The following ATP8A2 variants were observed in gnomAD, a reference collection of about 807,000 sequenced individuals.
The protein encoded by ATP8A2 is phospholipid-transporting ATPase IB.
Under a neutral mutation model 165.6 loss-of-function variants are expected in ATP8A2, and 100 were observed. That is an observed-to-expected ratio of 0.60 (90% CI 0.51 to 0.71). The LOEUF is 0.71. Among genes scored for constraint, ATP8A2 ranks in the 30% least tolerant of loss-of-function variants. ATP8A2 has a pLI of 0.00. For missense variants in ATP8A2, 1,227 were observed against 1,479.5 expected (o/e 0.83, Z 2.80); for synonymous variants, 543 against 548.8 (o/e 0.99, Z 0.15).
At chr13:25,819,841 A>T (rs1490344467) in intron 27 of ATP8A2, among the ~76,000 whole-genome samples, 2 of 152,222 alleles carry the variant, frequency 1.3e-5, no homozygotes, top group Non-Finnish European at 2.9e-5. Context: ...TTCAAAAAAA[A>T]CCTGAAGCAT....
At chr13:25,429,042 A>C (rs1020614391) in intron 1 of ATP8A2, among the ~76,000 whole-genome samples, 9 of 151,698 alleles carry the variant, frequency 5.9e-5, no homozygotes, top group Non-Finnish European at 1.5e-5. Context: ...ATCTGCTGCC[A>C]TACCAGGGGA....
intron 6 of ATP8A2, among the ~76,000 whole-genome samples, chr13:25,535,172 C>T (rs1206509435): frequency 6.6e-6 from 1 of 152,098 alleles, no homozygotes; most frequent in Non-Finnish European, 1.5e-5. Flanking sequence ...GTGAGTAGTT[C>T]AATGTGAGGA....
intron 33 of ATP8A2, among the ~76,000 whole-genome samples, chr13:25,943,051 TG>T (rs1266942170): frequency 6.6e-6 from 1 of 152,136 alleles, no homozygotes; most frequent in East Asian, 1.9e-4. Context: ...GGGTCTGAGC[TG>T]GAGCCCTTGT....
intron 1 of ATP8A2, among the ~76,000 whole-genome samples, chr13:25,441,615 C>T (rs1326518798): frequency 6.6e-6 from 1 of 152,138 alleles, no homozygotes; most frequent in East Asian, 1.9e-4. Flanking sequence ...TTTAGATATA[C>T]TTTTTATAAA....
intron 2 of ATP8A2, among the ~76,000 whole-genome samples, chr13:25,513,658 C>A (rs556934145): frequency 3.0e-4 from 46 of 152,184 alleles, no homozygotes; most frequent in African/African-American, 1.1e-3. Context: ...GCACTCCAGC[C>A]TGGGCACCAT....
chr13:25,472,727 G>A (rs1328847750), intron 2 of ATP8A2, among the ~76,000 whole-genome samples: 1 of 152,114 alleles, frequency 6.6e-6, no homozygotes, highest in East Asian at 1.9e-4. Context: ...GAAAAGAAGG[G>A]ACCACATGGG....
chr13:25,398,225 G>A (rs941797805), intron 1 of ATP8A2, among the ~76,000 whole-genome samples: 1 of 152,150 alleles, frequency 6.6e-6, no homozygotes, highest in Non-Finnish European at 1.5e-5. Flanking sequence ...ATTACCTTTA[G>A]AGCCTGTTAT....
chr13:25,633,481 C>CT (rs1037121473), intron 24 of ATP8A2, among the ~76,000 whole-genome samples: 1 of 152,170 alleles, frequency 6.6e-6, no homozygotes, highest in Non-Finnish European at 1.5e-5. Flanking sequence ...GAGATCACCT[C>CT]TTTGTCTTTT....
chr13:25,566,977 C>CCATA (rs2039331684), intron 16 of ATP8A2, among the ~76,000 whole-genome samples: 2 of 152,116 alleles, frequency 1.3e-5, no homozygotes, highest in African/African-American at 4.8e-5. Flanking sequence ...GTCATGGCTA[C>CCATA]CATAACTGTT....
intron 2 of ATP8A2, among the ~76,000 whole-genome samples, chr13:25,471,750 C>T (rs951508547): frequency 3.3e-5 from 5 of 152,142 alleles, no homozygotes; most frequent in African/African-American, 9.7e-5. Context: ...AGAGGGATTC[C>T]GAGTAGCTGT....
At chr13:25,863,922 G>A (rs1056972665) in intron 33 of ATP8A2, among the ~76,000 whole-genome samples, 13 of 152,180 alleles carry the variant, frequency 8.5e-5, no homozygotes, top group East Asian at 7.7e-4. Flanking sequence ...ATTAGAGGGC[G>A]TTCAGTGAAC....
Position 25,579,029 on chromosome 13 carries a change from T to C in ATP8A2, c.1867+130T>C. 3 of 689,026 alleles carry C rather than the reference T, an allele frequency of 4.4e-6. No homozygotes were observed. The South Asian group carries it at 4.9e-5, about 11-fold the overall frequency. The allele number at this position is 689,026 out of a possible 1,614,324, so 42.7% of individuals were successfully genotyped here. A position where few individuals can be genotyped will look rare whatever the true frequency, so the allele number is the denominator to read the frequency against. On this transcript the variant is annotated intron_variant, in intron 21 of 36. Coordinates refer to ENST00000381655, the MANE Select transcript of ATP8A2 (RefSeq NM_016529.6). ...TCCTGTGCCCATGGCAGTGACAAGATGCATAGCCAAATCCAAACTCATTTA... is the reference window on the plus strand; with the variant it reads ...TCCTGTGCCCATGGCAGTGACAAGACGCATAGCCAAATCCAAACTCATTTA...
At chr13:25,523,420 A>C (rs1192171298) in intron 2 of ATP8A2, among the ~76,000 whole-genome samples, 1 of 152,058 alleles carries the variant, frequency 6.6e-6, no homozygotes, top group African/African-American at 2.4e-5. Context: ...CTTCAGGCAC[A>C]CACCACCTTG....
Position 25,645,494 on chromosome 13 carries a change from C to A in ATP8A2, c.2212-53679C>A, listed in dbSNP as rs573968198. On this transcript the variant is annotated intron_variant, in intron 24 of 36. Coordinates refer to ENST00000381655, the MANE Select transcript of ATP8A2 (RefSeq NM_016529.6). ...TTCTTCTTTTTCTGTTTCCTTGAGG[C>A]ATAATATTAAGTTGTTTCTCTGAGA... Among the ~76,000 whole-genome samples the A allele has an allele frequency of 3.3e-5, 5 of 152,236 alleles. No homozygotes were observed. The East Asian group carries it at 5.8e-4, about 18-fold the overall frequency.
chr13:25,772,123 T>C (rs2044634004), intron 26 of ATP8A2, among the ~76,000 whole-genome samples: 1 of 152,172 alleles, frequency 6.6e-6, no homozygotes, highest in African/African-American at 2.4e-5. Flanking sequence ...CGCCGTCCTT[T>C]TTCAGCTGCC....
At chr13:25,595,903 A>G (rs1159040600) in intron 24 of ATP8A2, among the ~76,000 whole-genome samples, 3 of 151,842 alleles carry the variant, frequency 2.0e-5, no homozygotes, top group African/African-American at 7.3e-5. Flanking sequence ...AAACCAATAC[A>G]TGTGTCCTCA....
chr13:25,538,269 T>C lies in ATP8A2; in HGVS notation c.581+208T>C, dbSNP rs141224354. On this transcript the variant is annotated intron_variant, in intron 7 of 36. Transcript: ENST00000381655. ...CCTTTGTGCTTTTTCTGAACTCTTT[T>C]ATGTGTGTTGACTCCACTTAGTCTC... is the stretch of plus-strand genomic sequence containing the variant. Among the ~76,000 whole-genome samples, 5 of 152,348 alleles carry C rather than the reference T, an allele frequency of 3.3e-5. No homozygotes were observed. The East Asian group carries it at 9.6e-4, about 29-fold the overall frequency.
intron 27 of ATP8A2, among the ~76,000 whole-genome samples, chr13:25,788,124 C>T (rs1458006846): frequency 2.0e-5 from 3 of 152,208 alleles, no homozygotes; most frequent in Non-Finnish European, 4.4e-5. Flanking sequence ...GCCGTGAAAA[C>T]TTGGCTGCAC....
chr13:25,973,652 C>A (rs980768088), intron 35 of ATP8A2, among the ~76,000 whole-genome samples: 5 of 152,224 alleles, frequency 3.3e-5, no homozygotes, highest in Admixed American at 3.3e-4. Context: ...ATGCTTTGAT[C>A]TTTAACGGAA....
Sources: gnomAD v4.1 joint callset for allele counts (sites outside exome capture counted in the v4.1 genomes callset) on GRCh38, gnomAD v4.1.1 for gene constraint, MANE v1.5 for transcripts, NCBI Gene and HGNC (gene_info 2026-07-23, HGNC 2026-07-21) for gene names.